ARHGAP42: variants seen among roughly 807,000 people sequenced by gnomAD.
ARHGAP42 encodes rho GTPase-activating protein 42.
A neutral mutation model predicts 125.0 loss-of-function variants in ARHGAP42; 63 were observed. That is an observed-to-expected ratio of 0.50 (90% CI 0.41 to 0.62). The LOEUF (loss-of-function observed/expected upper bound fraction) is 0.62. Ranked by LOEUF, ARHGAP42 falls within the 20% of genes least tolerant of loss-of-function variation. The pLI is 0.00. For synonymous variants in ARHGAP42, 339 were observed against 351.0 expected (o/e 0.97, Z 0.38); for missense variants, 766 against 1,024.2 (o/e 0.75, Z 3.44).
chr11:100,752,981 A>G (rs1862493806), intron 1 of ARHGAP42, among the ~76,000 whole-genome samples: 1 of 152,140 alleles, frequency 6.6e-6, no homozygotes, highest in Non-Finnish European at 1.5e-5. Context: ...TGCTTGCTTT[A>G]TGTTACCCAG....
At chr11:100,917,768 C>A (rs1459568593) in intron 5 of ARHGAP42, among the ~76,000 whole-genome samples, 1 of 152,082 alleles carries the variant, frequency 6.6e-6, no homozygotes, top group Non-Finnish European at 1.5e-5. Flanking sequence ...GACAGGGTTT[C>A]ACTATGTTGG....
At chr11:100,859,322 A>G (rs1420335775) in intron 3 of ARHGAP42, 2 of 399,462 alleles carry the variant, frequency 5.0e-6, no homozygotes, top group Admixed American at 4.6e-5. Flanking sequence ...ATTTCACCAC[A>G]ACAAGTACTT....
chr11:100,978,319 T>A (rs1446182170), intron 21 of ARHGAP42, among the ~76,000 whole-genome samples: 4 of 152,186 alleles, frequency 2.6e-5, no homozygotes, highest in Non-Finnish European at 5.9e-5. Flanking sequence ...ATAGATTTTT[T>A]AAAAATCTAG....
At chr11:100,928,818 C>G (rs1220719007) in intron 6 of ARHGAP42, among the ~76,000 whole-genome samples, 1 of 152,132 alleles carries the variant, frequency 6.6e-6, no homozygotes, top group Non-Finnish European at 1.5e-5. Context: ...TTTTCTGTCT[C>G]TATTAATTTG....
rs964568481 is a variant in ARHGAP42 at position 100,993,441 on chromosome 11, G to A, written c.*4640G>A. 1 of 166,874 alleles carries A rather than the reference G, an allele frequency of 6.0e-6. No individual in the cohort carries two copies. The highest frequency in any genetic ancestry group is 1.5e-5 in the Non-Finnish European group (1 of 68,098). The allele number at this position is 166,874 out of a possible 1,614,324, so 10.3% of individuals were successfully genotyped here. A position where few individuals can be genotyped will look rare whatever the true frequency, so the allele number is the denominator to read the frequency against. The stretch of plus-strand genomic sequence containing the variant: ...TTTTTGCAGAGAACGATCCCCACAG[G>A]AACTGGTCTAAGAACACTGTCTGCA... On this transcript the variant is annotated 3_prime_UTR_variant, in exon 24 of 24. Coordinates refer to ENST00000298815, the MANE Select transcript of ARHGAP42 (RefSeq NM_152432.4).
chr11:100,728,778 T>G (rs1861907360), intron 1 of ARHGAP42, among the ~76,000 whole-genome samples: 1 of 146,680 alleles, frequency 6.8e-6, no homozygotes, highest in East Asian at 2.0e-4. Context: ...CTTTTTTAAT[T>G]TTTTTTTTGA....
At chr11:100,949,160 C>T (rs1868104877) in intron 11 of ARHGAP42, among the ~76,000 whole-genome samples, 2 of 151,972 alleles carry the variant, frequency 1.3e-5, no homozygotes, top group Non-Finnish European at 2.9e-5. Context: ...ATAAGAGTCG[C>T]CATCCTGTTA....
intron 6 of ARHGAP42, among the ~76,000 whole-genome samples, chr11:100,926,869 A>G (rs949320269): frequency 6.6e-6 from 1 of 152,228 alleles, no homozygotes; most frequent in African/African-American, 2.4e-5. Context: ...TTTTAAAAAC[A>G]CATTTTAATT....
At position 100,973,195 on chromosome 11, in the gene ARHGAP42, A is replaced by G. The variant is rs376267724; in HGVS notation, c.1571A>G (p.Gln524Arg). 47 of 1,549,836 alleles carry G rather than the reference A, an allele frequency of 3.0e-5. 1 individual carries two copies. The highest frequency in any genetic ancestry group is 2.2e-4 in the South Asian group (18 of 83,590). Residue 524 changes from glutamine to arginine, a missense_variant, in exon 18 of 24, where the codon CAA (glutamine) becomes CGA (arginine). This residue lies in a region of ARHGAP42 where 455 missense variants were observed against 636.5 expected (regional missense o/e 0.71). Coordinates refer to ENST00000298815, the MANE Select transcript of ARHGAP42 (RefSeq NM_152432.4). ...HLVKVSLHSQ[Q>R]NLMTVSNLGV... ...TGCAGAGTATCACTACACAGCCAAC[A>G]AAATCTCATGACTGTCTCAAATCTT...
intron 1 of ARHGAP42, among the ~76,000 whole-genome samples, chr11:100,689,113 C>A (rs1011145284): frequency 6.6e-6 from 1 of 152,164 alleles, no homozygotes; most frequent in Non-Finnish European, 1.5e-5. Context: ...TTTACTTAAC[C>A]ACTTGTGTTA....
chr11:100,969,488 A>G (rs1858183408), intron 17 of ARHGAP42, among the ~76,000 whole-genome samples: 1 of 152,066 alleles, frequency 6.6e-6, no homozygotes, highest in African/African-American at 2.4e-5. Flanking sequence ...CCCATTATGC[A>G]TTTATGAGTG....
At chr11:100,792,755 T>C (rs1475802776) in intron 2 of ARHGAP42, among the ~76,000 whole-genome samples, 1 of 40,526 alleles carries the variant, frequency 2.5e-5, no homozygotes, top group Non-Finnish European at 7.6e-5. Flanking sequence ...GAATTTTCTT[T>C]TTTTTTTTTT....
intron 17 of ARHGAP42, among the ~76,000 whole-genome samples, chr11:100,969,424 A>G (rs1858181398): frequency 6.6e-6 from 1 of 152,202 alleles, no homozygotes; most frequent in East Asian, 1.9e-4. Flanking sequence ...ATTTTCAGCC[A>G]CTATATCTTT....
intron 3 of ARHGAP42, among the ~76,000 whole-genome samples, chr11:100,851,819 G>A (rs975453454): frequency 6.6e-6 from 1 of 152,108 alleles, no homozygotes; most frequent in African/African-American, 2.4e-5. Flanking sequence ...TTAACCACTG[G>A]CACTCAGGTG....
chr11:100,807,068 G>A (rs679897), intron 3 of ARHGAP42, among the ~76,000 whole-genome samples: 6,137 of 152,138 alleles, frequency 0.04, 417 homozygotes, highest in African/African-American at 0.14. Context: ...GGCTGGTCTC[G>A]AACTCCTGAC....
At chr11:100,721,741 T>C (rs1211312505) in intron 1 of ARHGAP42, among the ~76,000 whole-genome samples, 1 of 152,174 alleles carries the variant, frequency 6.6e-6, no homozygotes, top group Non-Finnish European at 1.5e-5. Flanking sequence ...CTCAAAGTGC[T>C]GGAATTACAG....
chr11:100,739,236 A>C (rs767106258), intron 1 of ARHGAP42, among the ~76,000 whole-genome samples: 2 of 152,112 alleles, frequency 1.3e-5, no homozygotes, highest in Admixed American at 6.5e-5. Flanking sequence ...AAGTGATCAA[A>C]AAATAAGGAA....
intron 16 of ARHGAP42, among the ~76,000 whole-genome samples, chr11:100,963,857 C>G (rs182216040): frequency 2.5e-3 from 383 of 152,258 alleles, no homozygotes; most frequent in Non-Finnish European, 4.6e-3. Flanking sequence ...AACCCAGAAC[C>G]CTTTCTTACA....
chr11:100,918,041 C>G (rs1039146373), intron 5 of ARHGAP42, among the ~76,000 whole-genome samples: 1 of 152,272 alleles, frequency 6.6e-6, no homozygotes, highest in East Asian at 1.9e-4. Context: ...TTACTATATG[C>G]TGCACTGTCT....
Sources: gnomAD v4.1 joint callset for allele counts (sites outside exome capture counted in the v4.1 genomes callset) on GRCh38, gnomAD v4.1.1 for gene constraint, gnomAD v4.1.1 regional missense constraint, MANE v1.5 for transcripts, NCBI Gene and HGNC (gene_info 2026-07-23, HGNC 2026-07-21) for gene names.